Variants in PLEKHA8 observed in about 807,000 individuals in gnomAD.
The protein encoded by PLEKHA8 is pleckstrin homology domain containing A8.
A neutral mutation model predicts 68.2 loss-of-function variants in PLEKHA8; 36 were observed. The ratio of observed to expected loss-of-function variants is 0.53; its 90% confidence interval spans 0.40 to 0.70. The LOEUF (loss-of-function observed/expected upper bound fraction) is 0.70. Among genes scored for constraint, PLEKHA8 ranks in the 30% least tolerant of loss-of-function variants. The pLI is 0.00. For missense variants in PLEKHA8, 505 were observed against 615.4 expected (o/e 0.82, Z 1.90); for synonymous variants, 211 against 216.1 (o/e 0.98, Z 0.20).
chr7:30,088,681 C>A (rs1034289424), downstream of PLEKHA8, among the ~76,000 whole-genome samples: 3 of 152,092 alleles, frequency 2.0e-5, no homozygotes, highest in Admixed American at 2.0e-4. Flanking sequence ...AGCACCCAGG[C>A]AATGGAAGGA....
At chr7:30,041,515 G>T (rs1195303001) in intron 1 of PLEKHA8, among the ~76,000 whole-genome samples, 4 of 150,774 alleles carry the variant, frequency 2.7e-5, no homozygotes, top group Non-Finnish European at 5.9e-5. Flanking sequence ...GAACTCCTAG[G>T]CTCAAGCAGT....
chr7:30,082,480 T>C lies in PLEKHA8; in HGVS notation c.*3693T>C. 4 of 985,352 alleles carry C rather than the reference T, an allele frequency of 4.1e-6. No homozygotes were observed. Among genetic ancestry groups the C allele is most frequent in the Non-Finnish European group, 3.6e-6 (3 of 829,944 alleles). The allele number at this position is 985,352 out of a possible 1,614,324, so 61.0% of individuals were successfully genotyped here. On this transcript the variant is annotated 3_prime_UTR_variant, in exon 14 of 14. Coordinates refer to ENST00000449726, the MANE Select transcript of PLEKHA8 (RefSeq NM_001197026.2). ...CAAGAGCTTCTTAAGAAGGAGCCCATATTCCCATTTGTAGCTGGAAAGCGG... is the reference window on the plus strand; with the variant it reads ...CAAGAGCTTCTTAAGAAGGAGCCCACATTCCCATTTGTAGCTGGAAAGCGG...
chr7:30,053,420 T>C (rs1358486565), intron 7 of PLEKHA8, among the ~76,000 whole-genome samples: 2 of 152,226 alleles, frequency 1.3e-5, no homozygotes, highest in Admixed American at 6.5e-5. Context: ...AATTGTGTTA[T>C]AAGAACTTAA....
At chr7:30,116,263 C>A (rs1349085357) in intron 13 of PLEKHA8, among the ~76,000 whole-genome samples, 1 of 150,102 alleles carries the variant, frequency 6.7e-6, no homozygotes, top group Non-Finnish European at 1.5e-5. Context: ...CGTATACATG[C>A]ATACATGTAT....
At chr7:30,105,516 T>C (rs1796023621) in intron 13 of PLEKHA8, among the ~76,000 whole-genome samples, 1 of 152,056 alleles carries the variant, frequency 6.6e-6, no homozygotes, top group Admixed American at 6.6e-5. Flanking sequence ...AATGACAGGA[T>C]TAAAACAGCA....
chr7:30,054,975 G>T, intron 8 of PLEKHA8, 110 bp downstream of exon 8: 1 of 1,114,678 alleles, frequency 9.0e-7, no homozygotes, highest in East Asian at 2.4e-5. Flanking sequence ...AATAGAGAAT[G>T]TGGTATACCA....
At chr7:30,070,077 C>G (rs1236023513) in intron 12 of PLEKHA8, among the ~76,000 whole-genome samples, 1 of 151,914 alleles carries the variant, frequency 6.6e-6, no homozygotes. Context: ...TGCCATCAGT[C>G]TCACATGGCA....
intron 13 of PLEKHA8, among the ~76,000 whole-genome samples, chr7:30,123,031 C>A (rs35283282): frequency 1.5e-4 from 23 of 152,112 alleles, no homozygotes; most frequent in South Asian, 4.1e-4. Context: ...CTTTCCCCCC[C>A]CTAAGCTAGC....
At chr7:30,054,910 C>A in intron 8 of PLEKHA8, 45 bp downstream of exon 8, 2 of 1,519,780 alleles carry the variant, frequency 1.3e-6, no homozygotes, top group Non-Finnish European at 1.8e-6. Context: ...ATACTAACTT[C>A]CATTCTGGAA....
At chr7:30,047,709 T>G in intron 3 of PLEKHA8, 123 bp from the exon 4 acceptor site, 1 of 1,012,040 alleles carries the variant, frequency 9.9e-7, no homozygotes, top group Non-Finnish European at 1.4e-6. Context: ...TTTAAAGATT[T>G]GACTTTGGGC....
At chr7:30,057,097 C>G (rs1393620440) in intron 9 of PLEKHA8, among the ~76,000 whole-genome samples, 6 of 151,882 alleles carry the variant, frequency 4.0e-5, no homozygotes, top group African/African-American at 1.5e-4. Flanking sequence ...TAGGTCTTAA[C>G]TGTTATGATT....
intron 13 of PLEKHA8, among the ~76,000 whole-genome samples, chr7:30,074,578 T>C (rs980852701): frequency 5.9e-5 from 9 of 152,162 alleles, no homozygotes; most frequent in African/African-American, 2.2e-4. Context: ...TAAATACTTA[T>C]CATTGAAGGG....
rs1562558555 is a variant in PLEKHA8, at chr7:30,115,969, T to TAC, written c.1363-13297_1363-13296insAC. On this transcript the variant is annotated intron_variant, in intron 13 of 13. Transcript: ENST00000396257. ...ACATACGCATACATGCATGCATACA[T>TAC]GTGCATGCATGCATGTATGCATACG... 4.7e-5 allele frequency: 6 copies of TAC among 127,856 alleles called. 1 individual carries two copies. The East Asian group carries it at 9.1e-4, about 19-fold the overall frequency. The allele number at this position is 127,856 out of a possible 1,614,324, so 7.9% of individuals were successfully genotyped here. A position where few individuals can be genotyped will look rare whatever the true frequency, so the allele number is the denominator to read the frequency against.
intron 13 of PLEKHA8, among the ~76,000 whole-genome samples, chr7:30,110,528 G>A (rs192280653): frequency 5.1e-4 from 78 of 152,262 alleles, no homozygotes; most frequent in Non-Finnish European, 9.9e-4. Flanking sequence ...CTCTTGGTAT[G>A]TACCTAGGAG....
chr7:30,115,725 CATACACGT>C (rs1796443889), intron 13 of PLEKHA8: 2 of 114,394 alleles, frequency 1.7e-5, no homozygotes, highest in Non-Finnish European at 3.9e-5. Flanking sequence ...CGCATGCATG[CATACACGT>C]ATACATGTAT....
At chr7:30,087,253 C>T (rs1795220681), downstream of PLEKHA8, among the ~76,000 whole-genome samples, 1 of 152,166 alleles carries the variant, frequency 6.6e-6, no homozygotes, top group South Asian at 2.1e-4. Flanking sequence ...CAACCCTCTT[C>T]CCCAGAGTTC....
In PLEKHA8 at chr7:30,052,738, G is replaced by A; in HGVS notation, c.668G>A (p.Gly223Glu). The A allele has an allele frequency of 6.4e-7, 1 of 1,558,372 alleles. No individual in the cohort carries two copies. Among genetic ancestry groups the A allele is most frequent in the South Asian group, 1.2e-5 (1 of 81,750 alleles). ...RQMELSTCEN[G>E]SLNMEINGEE... Reference sequence around the variant, plus strand: ...ATGGAGTTGAGCACTTGTGAAAATGGATCTTTAAATATGGAAATAAATGGT... The same window carrying A: ...ATGGAGTTGAGCACTTGTGAAAATGAATCTTTAAATATGGAAATAAATGGT... The change falls in exon 7 of 14, where the codon GGA becomes GAA. Residue 223 changes from glycine (G) to glutamate (E), a missense_variant. Physicochemically the swap from Gly to Glu is moderately conservative, Grantham distance 98 (BLOSUM62 -2). Coordinates refer to ENST00000449726, the MANE Select transcript of PLEKHA8 (RefSeq NM_001197026.2).
intron 6 of PLEKHA8, among the ~76,000 whole-genome samples, chr7:30,052,413 G>A (rs1202436639): frequency 6.6e-6 from 1 of 152,110 alleles, no homozygotes; most frequent in Non-Finnish European, 1.5e-5. Context: ...GAGGTGGGAG[G>A]ATTGCCTGAG....
At position 30,120,563 on chromosome 7, in the gene PLEKHA8, T is replaced by G. The variant is rs1796680919; in HGVS notation, c.1363-8703T>G. Among the ~76,000 whole-genome samples the G allele has an allele frequency of 2.0e-5, 3 of 152,220 alleles. No individual in the cohort carries two copies. In the South Asian group the frequency reaches 6.2e-4, roughly 32 times the overall value. On this transcript the variant is annotated intron_variant, in intron 13 of 13. Transcript: ENST00000396257. ...ATCCAATTAGGTTTCAGTTAAACAT[T>G]TAGGTTGGACCTAAATATGTAAGGA...
Sources: gnomAD v4.1 joint callset for allele counts (sites outside exome capture counted in the v4.1 genomes callset) on GRCh38, gnomAD v4.1.1 for gene constraint, MANE v1.5 for transcripts, NCBI Gene and HGNC (gene_info 2026-07-23, HGNC 2026-07-21) for gene names.